Variants in RALB observed in about 807,000 individuals in gnomAD.
The protein encoded by RALB is RAS like proto-oncogene B.
In RALB, 16 loss-of-function variants were observed where a neutral mutation model predicts 21.3. The observed-to-expected ratio is 0.75, with a 90% CI of 0.51 to 1.14. The LOEUF (loss-of-function observed/expected upper bound fraction) is 1.14, where lower values mean the gene tolerates loss of function less well. RALB is among the 50% of genes most tolerant of loss of function. RALB has a pLI of 0.00. For missense variants in RALB, 161 were observed against 256.2 expected, an observed-to-expected ratio of 0.63 and a Z score of 2.54; for synonymous variants, 93 against 96.1, an observed-to-expected ratio of 0.97 and a Z score of 0.19.
chr2:120,259,564 G>A (rs1268182423), intron 1 of RALB, among the ~76,000 whole-genome samples: 2 of 152,152 alleles, frequency 1.3e-5, no homozygotes, highest in African/African-American at 4.8e-5. Flanking sequence ...GATACAGAGT[G>A]TCGATTGGTG....
intron 1 of RALB, among the ~76,000 whole-genome samples, chr2:120,241,558 G>A (rs1045607692): frequency 3.3e-5 from 5 of 152,038 alleles, no homozygotes; most frequent in African/African-American, 1.2e-4. Context: ...AAACCCCGCT[G>A]CTACTAAAAA....
chr2:120,249,797 A>T (rs550705590), upstream of RALB, among the ~76,000 whole-genome samples: 17 of 151,590 alleles, frequency 1.1e-4, no homozygotes, highest in African/African-American at 3.4e-4. Flanking sequence ...TAAATTTCAA[A>T]CTCCTCTGTA....
chr2:120,293,885 T>A lies in RALB; in HGVS notation c.*625T>A, dbSNP rs1170072239. ...TGAAAAGTGAAAGTTGTGAGTTGTTTTCCTCTTATTTAAACATTGGCCTAT... is the reference window on the plus strand; with the variant it reads ...TGAAAAGTGAAAGTTGTGAGTTGTTATCCTCTTATTTAAACATTGGCCTAT... On this transcript the variant is annotated 3_prime_UTR_variant, in exon 5 of 5. Coordinates refer to ENST00000272519, the MANE Select transcript of RALB (RefSeq NM_002881.3). 5 of 344,696 alleles carry A rather than the reference T, an allele frequency of 1.5e-5. No individual in the cohort carries two copies. Among genetic ancestry groups the A allele is most frequent in the African/African-American group, 1.1e-4 (5 of 47,476 alleles). 21.4% of individuals were successfully genotyped at this position (344,696 alleles called of 1,614,324 possible). A position where few individuals can be genotyped will look rare whatever the true frequency, so the allele number is the denominator to read the frequency against.
At chr2:120,275,354 C>T (rs771004255) in intron 1 of RALB, among the ~76,000 whole-genome samples, 12 of 152,168 alleles carry the variant, frequency 7.9e-5, no homozygotes, top group African/African-American at 2.4e-4. Flanking sequence ...CAGGAACTGC[C>T]GCTCTTACTG....
At chr2:120,258,989 T>G (rs984994578) in intron 1 of RALB, among the ~76,000 whole-genome samples, 1 of 151,920 alleles carries the variant, frequency 6.6e-6, no homozygotes, top group African/African-American at 2.4e-5. Flanking sequence ...GGAGTGAAGC[T>G]GCAGACCTTC....
intron 1 of RALB, among the ~76,000 whole-genome samples, chr2:120,256,298 T>G (rs1401796542): frequency 6.6e-6 from 1 of 152,134 alleles, no homozygotes; most frequent in Admixed American, 6.6e-5. Context: ...CCAGAGCAAG[T>G]GATCTGACGG....
rs141928830 is a variant in RALB at position 120,289,660 on chromosome 2, G to A, written c.404G>A (p.Arg135Gln). The A allele has an allele frequency of 5.3e-5, 85 of 1,614,176 alleles. No individual in the cohort carries two copies. In the African/African-American group the frequency reaches 6.0e-4, roughly 11 times the overall value. The part of the protein sequence containing the change: ...VVGNKSDLEE[R>Q]RQVPVEEARS... Reference sequence around the variant, plus strand: ...GGAAACAAGTCTGACCTAGAGGAGCGGAGGCAGGTGCCTGTGGAGGAGGCC... The same window carrying A: ...GGAAACAAGTCTGACCTAGAGGAGCAGAGGCAGGTGCCTGTGGAGGAGGCC... Residue 135 changes from arginine (R) to glutamine (Q), a missense_variant, in exon 4 of 5, where the codon CGG becomes CAG. Physicochemically the swap from Arg to Gln is conservative, Grantham distance 43. Coordinates refer to ENST00000272519, the MANE Select transcript of RALB (RefSeq NM_002881.3).
chr2:120,288,342 G>GTTTTTTTTTTTTTTTT lies in RALB; in HGVS notation c.324-1227_324-1226insTTTTTTTTTTTTTTTT, dbSNP rs547733377. On this transcript the variant is annotated intron_variant, in intron 3 of 4. Transcript: ENST00000272519. ...TTAAATTGACTACATGAAAATTTTA[G>GTTTTTTTTTTTTTTTT]TTTTTTTTTTTGTTTTTTTTTTTGT... 4.3e-5 allele frequency among the ~76,000 whole-genome samples: 5 copies of GTTTTTTTTTTTTTTTT among 117,080 alleles called. 1 individual carries two copies. Among genetic ancestry groups the GTTTTTTTTTTTTTTTT allele is most frequent in the African/African-American group, 3.5e-5 (1 of 28,788 alleles). The allele number at this position is 117,080 out of a possible 152,430, so 76.8% of individuals were successfully genotyped here. A position where few individuals can be genotyped will look rare whatever the true frequency, so the allele number is the denominator to read the frequency against.
intron 2 of RALB, among the ~76,000 whole-genome samples, chr2:120,281,479 A>G (rs1476694138): frequency 6.6e-6 from 1 of 152,206 alleles, no homozygotes; most frequent in African/African-American, 2.4e-5. Context: ...ATTTACTTTA[A>G]TGTCCAGTAT....
chr2:120,290,618 A>G (rs1004374221), intron 4 of RALB, among the ~76,000 whole-genome samples: 4 of 137,196 alleles, frequency 2.9e-5, no homozygotes, highest in Middle Eastern at 4.0e-3. Flanking sequence ...TCAGAACTCA[A>G]ATCTCTGGGA....
chr2:120,282,816 A>C (rs72956902), intron 2 of RALB, among the ~76,000 whole-genome samples: 15,300 of 152,160 alleles, frequency 0.1, 834 homozygotes, highest in Non-Finnish European at 0.12. Context: ...TCGATTTTCT[A>C]AAACGGTGCT....
At chr2:120,280,805 A>G (rs1253982572) in intron 2 of RALB, 5 of 384,654 alleles carry the variant, frequency 1.3e-5, no homozygotes, top group Non-Finnish European at 2.5e-5. Flanking sequence ...ATGCTAAAGG[A>G]AAGACTAAAT....
At chr2:120,265,919 G>C (rs1170158583) in intron 1 of RALB, among the ~76,000 whole-genome samples, 1 of 152,220 alleles carries the variant, frequency 6.6e-6, no homozygotes, top group Non-Finnish European at 1.5e-5. Flanking sequence ...TGTCTCCACG[G>C]CTGCCTCTTC....
intron 1 of RALB, among the ~76,000 whole-genome samples, chr2:120,254,094 A>G (rs1689132880): frequency 6.6e-6 from 1 of 152,192 alleles, no homozygotes; most frequent in Non-Finnish European, 1.5e-5. Context: ...CCGACCATGA[A>G]AGGTAGCACT....
chr2:120,240,824 T>G (rs533897515), intron 1 of RALB, among the ~76,000 whole-genome samples: 2 of 152,294 alleles, frequency 1.3e-5, no homozygotes, highest in African/African-American at 4.8e-5. Flanking sequence ...GGTTGGCTTC[T>G]GGGCACCTGG....
At chr2:120,278,591 C>CT in intron 1 of RALB, 27 bp from the exon 2 acceptor site, 1 of 1,418,986 alleles carries the variant, frequency 7.0e-7, no homozygotes, top group Non-Finnish European at 9.3e-7. Context: ...CAAATCGCCT[C>CT]TAAGTCTTTG....
intron 1 of RALB, among the ~76,000 whole-genome samples, chr2:120,274,518 C>T (rs938355593): frequency 2.0e-5 from 3 of 152,036 alleles, no homozygotes; most frequent in African/African-American, 7.2e-5. Context: ...TATGTTCAGT[C>T]TGTGCTGTTT....
At chr2:120,285,827 G>A (rs4091515) in intron 2 of RALB, 47 bp from the exon 3 acceptor site, 1,045,774 of 1,544,598 alleles carry the variant, frequency 0.68, 358,595 homozygotes, top group African/African-American at 0.79. Context: ...GGCAGATTTT[G>A]TTCCCCTTAA....
chr2:120,261,429 T>A (rs1415506838), intron 1 of RALB, among the ~76,000 whole-genome samples: 1 of 151,872 alleles, frequency 6.6e-6, no homozygotes, highest in Non-Finnish European at 1.5e-5. Flanking sequence ...CTGAGGGAGT[T>A]AGGGTTTGAT....
Sources: gnomAD v4.1 joint callset for allele counts (sites outside exome capture counted in the v4.1 genomes callset) on GRCh38, gnomAD v4.1.1 for gene constraint, MANE v1.5 for transcripts, NCBI Gene and HGNC (gene_info 2026-07-23, HGNC 2026-07-21) for gene names.